IGSF1: variants seen among roughly 807,000 people sequenced by gnomAD.
IGSF1 encodes immunoglobulin superfamily member 1.
In IGSF1, 40 loss-of-function variants were observed where a neutral mutation model predicts 95.3. The ratio of observed to expected loss-of-function variants is 0.42; its 90% confidence interval spans 0.33 to 0.55. The LOEUF is 0.55. IGSF1 is among the 20% of genes least tolerant of loss of function. IGSF1 has a pLI of 0.10. For synonymous variants in IGSF1, 372 were observed against 382.9 expected, an observed-to-expected ratio of 0.97 and a Z score of 0.33; for missense variants, 906 against 1,025.4, an observed-to-expected ratio of 0.88 and a Z score of 1.59.
chrX:131,286,324 A>G (rs888280250), intron 3 of IGSF1, 113 bp downstream of exon 3: 15 of 672,521 alleles, frequency 2.2e-5, no homozygotes, highest in African/African-American at 8.7e-5. Context: ...CTGATTCCCA[A>G]TCAGCCCAAT....
chrX:131,282,463 A>T lies in IGSF1; in HGVS notation c.1227T>A (p.Thr409=), dbSNP rs1268021873. The T allele has an allele frequency of 8.3e-7, 1 of 1,208,280 alleles. No homozygotes were observed. The highest frequency in any genetic ancestry group is 2.2e-5 in the Admixed American group (1 of 46,046). The change falls in exon 7 of 20, where the codon ACT becomes ACA. Residue 409 remains threonine (T), a synonymous_variant. Transcript: ENST00000361420. ...KTSIRMPSHN[T]VELMVVDKPP... is the part of the protein sequence containing the mutation. ...ACTTGCCTACAACCATAAGCTCCACAGTGTTGTGTGATGGCATCCTAATGG... is the reference window on the plus strand; with the variant it reads ...ACTTGCCTACAACCATAAGCTCCACTGTGTTGTGTGATGGCATCCTAATGG...
Position 131,286,519 on chromosome X carries a change from C to G in IGSF1, c.71-56G>C, listed in dbSNP as rs1252826091. ...TCCCTTGTTGTCTCCATCCTGTGCT[C>G]AAACCTCAATACTTTCCTCTCCCAC... On this transcript the variant is annotated intron_variant, in intron 2 of 19. Transcript: ENST00000361420. 4.3e-6 allele frequency: 5 copies of G among 1,175,285 alleles called. No homozygotes were observed. The East Asian group carries it at 1.2e-4, about 28-fold the overall frequency.
At chrX:131,278,251 TC>T (rs2080503536) in intron 12 of IGSF1, 117 bp from the exon 13 acceptor site, 2 of 790,324 alleles carry the variant, frequency 2.5e-6, no homozygotes, top group East Asian at 3.2e-5. Flanking sequence ...CCTAGGCTCT[TC>T]CAGTCAGTCT....
At chrX:131,280,133 G>A (rs921498442) in intron 9 of IGSF1, among the ~76,000 whole-genome samples, 6 of 108,826 alleles carry the variant, frequency 5.5e-5, no homozygotes, top group Admixed American at 5.0e-4. Context: ...CTGGGGTGGG[G>A]CACATAAAGC....
intron 9 of IGSF1, chrX:131,280,877 G>A: frequency 5.9e-6 from 1 of 168,457 alleles, no homozygotes; most frequent in Non-Finnish European, 1.1e-5. Flanking sequence ...CTTCTTACAA[G>A]AGGAAAAATC....
Position 131,285,990 on chromosome X carries a change from C to T in IGSF1, c.156G>A (p.Glu52=), listed in dbSNP as rs1327884979. 4.1e-6 allele frequency: 5 copies of T among 1,210,251 alleles called. No homozygotes were observed. Among genetic ancestry groups the T allele is most frequent in the Non-Finnish European group, 5.6e-6 (5 of 894,195 alleles). ...IESNYPQAPW[E]NITLWCRSPS... Reference sequence around the variant, plus strand: ...GGCTTCGGCACCAAAGCGTGATGTTCTCCCAAGGGGCCTGGGGGTAGTTGG... The same window carrying T: ...GGCTTCGGCACCAAAGCGTGATGTTTTCCCAAGGGGCCTGGGGGTAGTTGG... Residue 52 remains glutamate, a synonymous_variant, in exon 4 of 20, where the codon GAG becomes GAA. Coordinates refer to ENST00000361420, the MANE Select transcript of IGSF1 (RefSeq NM_001555.5).
At chrX:131,277,717 C>T (rs767374427) in intron 13 of IGSF1, 139 bp downstream of exon 13, 182 of 654,248 alleles carry the variant, frequency 2.8e-4, no homozygotes, top group Non-Finnish European at 4.0e-4. Flanking sequence ...CCCAGCGCCA[C>T]GCCTGCCTGG....
Position 131,276,130 on chromosome X carries a change from C to G in IGSF1, c.2727G>C (p.Glu909Asp). The stretch of plus-strand genomic sequence containing the variant: ...GAAACTGTAAGGGAACATGGGCTCC[C>G]TCCTGCAAGAGGGCGAACCTCATGC... ...FQGMRFALLQ[E>D]GAHVPLQFRS... The change falls in exon 15 of 20, where the codon GAG becomes GAC. Residue 909 changes from glutamate (E) to aspartate (D), a missense_variant. Glu to Asp is a conservative substitution (Grantham distance 45). Around this residue, in one of 5 missense-constraint regions of IGSF1, gnomAD observed 411 missense variants for 494.9 expected, o/e 0.83. Transcript: ENST00000361420. 8.3e-7 allele frequency: 1 copy of G among 1,210,932 alleles called. No homozygotes were observed. The highest frequency in any genetic ancestry group is 1.1e-6 in the Non-Finnish European group (1 of 895,219).
Position 131,281,318 on chromosome X carries a change from C to T in IGSF1, c.1546G>A (p.Val516Ile), listed in dbSNP as rs370349619. 31 of 1,209,405 alleles carry T rather than the reference C, an allele frequency of 2.6e-5. No homozygotes were observed. The highest frequency in any genetic ancestry group is 2.3e-4 in the Middle Eastern group (1 of 4,355). ...GACAACCTGATAGCTTCATTCAGAA[C>T]GTAATTCCAGGTGAGATAGCCTGTG... ...GPAGYLTWNY[V>I]LNEAIRLSLI... The change falls in exon 9 of 20, where the codon GTT becomes ATT. Residue 516 changes from valine (V) to isoleucine (I), a missense_variant. Physicochemically the swap from Val to Ile is conservative, Grantham distance 29. This residue lies in a region of IGSF1 where 442 missense variants were observed against 448.1 expected (regional missense o/e 0.99). Transcript: ENST00000361420.
chrX:131,289,008 C>G (rs2080681852), intron 1 of IGSF1: 1 of 274,557 alleles, frequency 3.6e-6, no homozygotes, highest in African/African-American at 2.8e-5. Context: ...TCTACAGTGC[C>G]CAGAGATTCT....
At position 131,278,675 on chromosome X, in the gene IGSF1, G is replaced by A. The variant is rs765164588; in HGVS notation, c.1827C>T (p.Thr609=). Reference sequence around the variant, plus strand: ...AGCCAGAAGGGCTTCTGCACCAGAGGGTTAAGTTCTTCCACGGGGCCAGAG... The same window carrying A: ...AGCCAGAAGGGCTTCTGCACCAGAGAGTTAAGTTCTTCCACGGGGCCAGAG... ...NFPLAPWKNL[T]LWCRSPSGST... The change falls in exon 12 of 20, where the codon ACC becomes ACT. Residue 609 remains threonine, a synonymous_variant. Transcript: ENST00000361420. 7 of 1,210,775 alleles carry A rather than the reference G, an allele frequency of 5.8e-6. No individual in the cohort carries two copies. The highest frequency in any genetic ancestry group is 7.8e-6 in the Non-Finnish European group (7 of 894,438).
chrX:131,283,349 C>A, intron 5 of IGSF1, 85 bp from the exon 6 acceptor site: 3 of 831,653 alleles, frequency 3.6e-6, no homozygotes, highest in Non-Finnish European at 5.1e-6. Flanking sequence ...TTTCTTTGAA[C>A]AAGAAGTGGT....
At chrX:131,280,964 G>A (rs912711653) in intron 9 of IGSF1, 21 of 279,772 alleles carry the variant, frequency 7.5e-5, no homozygotes, top group Non-Finnish European at 1.0e-4. Context: ...GGCACCCTCC[G>A]GGGGGGATGT....
Position 131,281,280 on chromosome X carries a change from C to T in IGSF1, c.1584G>A (p.Gln528=), listed in dbSNP as rs761289759. Reference sequence around the variant, plus strand: ...GCACTACCAACAGCAAGGCAACAAGCTGCATGATTAGAGACAACCTGATAG... The same window carrying T: ...GCACTACCAACAGCAAGGCAACAAGTTGCATGATTAGAGACAACCTGATAG... ...NEAIRLSLIM[Q]LVALLLVVLW... The change falls in exon 9 of 20, where the codon CAG becomes CAA. Residue 528 remains glutamine, a synonymous_variant. Transcript: ENST00000361420. 8.3e-7 allele frequency: 1 copy of T among 1,210,579 alleles called. No individual in the cohort carries two copies. Among genetic ancestry groups the T allele is most frequent in the South Asian group, 1.8e-5 (1 of 56,941 alleles).
chrX:131,278,246 G>T, intron 12 of IGSF1, 112 bp from the exon 13 acceptor site: 1 of 820,608 alleles, frequency 1.2e-6, no homozygotes. Context: ...CTGGCCCTAG[G>T]CTCTTCCAGT....
intron 8 of IGSF1, 24 bp from the exon 9 acceptor site, chrX:131,281,362 C>G (rs778671230): frequency 1.7e-6 from 2 of 1,209,795 alleles, no homozygotes; most frequent in East Asian, 5.9e-5. Context: ...AGACCAGAAT[C>G]AGAGGCCTTG....
At chrX:131,285,141 A>G in intron 5 of IGSF1, 38 bp downstream of exon 5, 1 of 1,145,223 alleles carries the variant, frequency 8.7e-7, no homozygotes, top group Admixed American at 2.7e-5. Context: ...TACCTGGGAC[A>G]ACAATTGCCA....
At chrX:131,282,768 G>C in intron 6 of IGSF1, 31 bp from the exon 7 acceptor site, 1 of 1,140,231 alleles carries the variant, frequency 8.8e-7, no homozygotes, top group Non-Finnish European at 1.2e-6. Flanking sequence ...AAAAGCACTA[G>C]TGATTTCACT....
rs182019073 is a variant in IGSF1, at chrX:131,284,054, A to G, written c.668-790T>C. Reference sequence around the variant, plus strand: ...GGTGAACAGGTAACTACGGAAGTGTATTTTAGTGGAATCTATGCTGAAAGG... The same window carrying G: ...GGTGAACAGGTAACTACGGAAGTGTGTTTTAGTGGAATCTATGCTGAAAGG... On this transcript the variant is annotated intron_variant, in intron 5 of 19. Coordinates refer to ENST00000361420, the MANE Select transcript of IGSF1 (RefSeq NM_001555.5). 8 of 509,141 alleles carry G rather than the reference A, an allele frequency of 1.6e-5. No individual in the cohort carries two copies. In the African/African-American group the frequency reaches 2.1e-4, roughly 13 times the overall value. The allele number at this position is 509,141 out of a possible 1,213,427, so 42.0% of individuals were successfully genotyped here.
Sources: gnomAD v4.1 joint callset for allele counts (sites outside exome capture counted in the v4.1 genomes callset) on GRCh38, gnomAD v4.1.1 for gene constraint, gnomAD v4.1.1 regional missense constraint, MANE v1.5 for transcripts, NCBI Gene and HGNC (gene_info 2026-07-23, HGNC 2026-07-21) for gene names.